SYK: variants seen among roughly 807,000 people sequenced by gnomAD.
SYK encodes the protein spleen associated tyrosine kinase.
Under a neutral mutation model 77.8 loss-of-function variants are expected in SYK, and 16 were observed. That is an observed-to-expected ratio of 0.21 (90% CI 0.14 to 0.31). The LOEUF (loss-of-function observed/expected upper bound fraction) is 0.31. SYK is among the 10% of genes least tolerant of loss of function. SYK has a pLI of 1.00. For synonymous variants in SYK, 312 were observed against 308.7 expected, an observed-to-expected ratio of 1.01 and a Z score of -0.11; for missense variants, 529 against 814.4, an observed-to-expected ratio of 0.65 and a Z score of 4.26.
intron 1 of SYK, among the ~76,000 whole-genome samples, chr9:90,832,274 A>C (rs1359684788): frequency 1.3e-5 from 2 of 152,276 alleles, no homozygotes; most frequent in African/African-American, 4.8e-5. Context: ...CAGAACCAGA[A>C]GTATGATATC....
At chr9:90,859,722 G>A (rs531432428) in intron 3 of SYK, among the ~76,000 whole-genome samples, 23 of 152,282 alleles carry the variant, frequency 1.5e-4, no homozygotes, top group African/African-American at 5.5e-4. Context: ...AACGTAGGAG[G>A]GGCCTTGCTG....
At chr9:90,875,255 A>ATAAATAAG (rs1827882908) in intron 9 of SYK, among the ~76,000 whole-genome samples, 1 of 151,786 alleles carries the variant, frequency 6.6e-6, no homozygotes, top group African/African-American at 2.4e-5. Flanking sequence ...AAATAAATAA[A>ATAAATAAG]TAAATAAATA....
intron 1 of SYK, among the ~76,000 whole-genome samples, chr9:90,840,567 A>AT (rs1193220120): frequency 3.3e-5 from 5 of 151,834 alleles, no homozygotes; most frequent in African/African-American, 9.7e-5. Flanking sequence ...AAAAAAAAAA[A>AT]AAAAAAAAAC....
chr9:90,837,000 T>C (rs1250164672), intron 1 of SYK, among the ~76,000 whole-genome samples: 1 of 152,186 alleles, frequency 6.6e-6, no homozygotes, highest in African/African-American at 2.4e-5. Flanking sequence ...TTTTCTTCTC[T>C]AGCTTACCTC....
Position 90,878,751 on chromosome 9 carries a change from T to G in SYK, c.1392-13T>G, listed in dbSNP as rs778492198. The G allele has an allele frequency of 6.3e-7, 1 of 1,597,970 alleles. No homozygotes were observed. The highest frequency in any genetic ancestry group is 1.1e-5 in the South Asian group (1 of 90,388). On this transcript the variant is annotated splice_polypyrimidine_tract_variant and intron_variant, in intron 10 of 13. Coordinates refer to ENST00000375754, the MANE Select transcript of SYK (RefSeq NM_003177.7). ...CTGTCTGTTATAGCTGATGAGATCA[T>G]TATGACTTTCAGACATGTCAAGGAT... is the stretch of plus-strand genomic sequence containing the variant.
chr9:90,838,198 C>T (rs1587840879), intron 1 of SYK, among the ~76,000 whole-genome samples: 3 of 152,296 alleles, frequency 2.0e-5, no homozygotes, highest in South Asian at 4.2e-4. Flanking sequence ...AATAAATACC[C>T]ATTAACCAAC....
At chr9:90,885,744 T>A (rs898824857) in intron 11 of SYK, among the ~76,000 whole-genome samples, 2 of 152,118 alleles carry the variant, frequency 1.3e-5, no homozygotes, top group African/African-American at 4.8e-5. Flanking sequence ...ATCAAACCAC[T>A]TAAAGTCAAA....
chr9:90,817,571 C>T (rs1265249743), intron 1 of SYK, among the ~76,000 whole-genome samples: 1 of 151,998 alleles, frequency 6.6e-6, no homozygotes, highest in Non-Finnish European at 1.5e-5. Context: ...TTTTTGGCCC[C>T]TTCCTCCCTT....
chr9:90,821,687 G>A (rs290247), intron 1 of SYK, among the ~76,000 whole-genome samples: 22,521 of 152,084 alleles, frequency 0.15, 2,001 homozygotes, highest in East Asian at 0.44. Context: ...TATTCCAGAC[G>A]CTCCAACTCC....
Position 90,881,496 on chromosome 9 carries a change from A to G in SYK, c.1581+2543A>G, listed in dbSNP as rs181223310. Among the ~76,000 whole-genome samples the G allele has an allele frequency of 1.4e-4, 21 of 152,232 alleles. No individual in the cohort carries two copies. The East Asian group carries it at 3.9e-3, about 28-fold the overall frequency. ...GGAGTTCGAGACCAGCCTGGCCAAC[A>G]TGGTGAAATCCCGTCTCTACTAAAA... On this transcript the variant is annotated intron_variant, in intron 11 of 13. Coordinates refer to ENST00000375754, the MANE Select transcript of SYK (RefSeq NM_003177.7).
At chr9:90,875,027 C>T (rs1564113023) in intron 9 of SYK, among the ~76,000 whole-genome samples, 178 bp downstream of exon 9, 1 of 151,958 alleles carries the variant, frequency 6.6e-6, no homozygotes, top group Non-Finnish European at 1.5e-5. Context: ...GCAAAAACTG[C>T]AATTACTTTT....
At chr9:90,891,498 A>G (rs541812400) in intron 13 of SYK, among the ~76,000 whole-genome samples, 1 of 152,138 alleles carries the variant, frequency 6.6e-6, no homozygotes, top group Non-Finnish European at 1.5e-5. Flanking sequence ...TCCCTTTTCT[A>G]TTGACACAGC....
At chr9:90,884,474 T>C (rs887597496) in intron 11 of SYK, among the ~76,000 whole-genome samples, 1 of 28,520 alleles carries the variant, frequency 3.5e-5, no homozygotes, top group African/African-American at 4.1e-4. Flanking sequence ...TGTGTACATA[T>C]ACATACACAC....
chr9:90,875,235 CA>C (rs200459011), intron 9 of SYK, among the ~76,000 whole-genome samples: 54 of 149,622 alleles, frequency 3.6e-4, no homozygotes, highest in Admixed American at 8.7e-4. Flanking sequence ...CCTGTCTCTA[CA>C]AAAAAAATAA....
At chr9:90,839,696 G>A (rs1826222749) in intron 1 of SYK, among the ~76,000 whole-genome samples, 1 of 152,164 alleles carries the variant, frequency 6.6e-6, no homozygotes, top group African/African-American at 2.4e-5. Flanking sequence ...TACTGTCTCA[G>A]TTTGAGCTGA....
chr9:90,825,119 C>CAAAAAAAAAAA (rs148061358), intron 1 of SYK, among the ~76,000 whole-genome samples: 1 of 93,348 alleles, frequency 1.1e-5, no homozygotes, highest in African/African-American at 3.7e-5. Context: ...ACCAAAAAGA[C>CAAAAAAAAAAA]AAAAAAAAAA....
chr9:90,825,057 C>A (rs1825626069), intron 1 of SYK, among the ~76,000 whole-genome samples: 2 of 148,880 alleles, frequency 1.3e-5, no homozygotes, highest in Non-Finnish European at 3.0e-5. Flanking sequence ...TCCTATATAC[C>A]AGTAGTTAAC....
At chr9:90,885,908 C>A (rs1828554427) in intron 11 of SYK, among the ~76,000 whole-genome samples, 1 of 152,116 alleles carries the variant, frequency 6.6e-6, no homozygotes, top group South Asian at 2.1e-4. Flanking sequence ...AAAATACTGC[C>A]ACCCAAGGAG....
chr9:90,804,263 G>A (rs570755413), intron 1 of SYK, among the ~76,000 whole-genome samples: 1 of 152,316 alleles, frequency 6.6e-6, no homozygotes, highest in East Asian at 1.9e-4. Context: ...AAGAGTGGAT[G>A]TCTCATCTTT....
Sources: allele counts gnomAD v4.1 joint callset (sites outside exome capture counted in the v4.1 genomes callset), GRCh38; gene constraint gnomAD v4.1.1; transcripts MANE v1.5; gene names NCBI Gene and HGNC (gene_info 2026-07-23, HGNC 2026-07-21).